Variants in MTR observed in about 807,000 individuals in gnomAD.
MTR encodes the protein methionine synthase.
In MTR, 84 loss-of-function variants were observed where a neutral mutation model predicts 154.8. That is an observed-to-expected ratio of 0.54 (90% CI 0.45 to 0.65). The LOEUF (loss-of-function observed/expected upper bound fraction) is 0.65. Among genes scored for constraint, MTR ranks in the 30% least tolerant of loss-of-function variants. The pLI, the probability that MTR is intolerant of heterozygous loss-of-function variation, is 0.00. For missense variants in MTR, 1,275 were observed against 1,570.2 expected (o/e 0.81, Z 3.18); for synonymous variants, 554 against 553.9 (o/e 1.00, Z 0.00).
Position 236,895,549 on chromosome 1 carries a change from A to T in MTR, c.3597A>T (p.Thr1199=), listed in dbSNP as rs967021355. ...MWRLADIEQS[T]GIRLTESLAM... is the part of the protein sequence containing the mutation. Reference sequence around the variant, plus strand: ...GACTCGCAGACATCGAGCAGTCTACAGGTAGGAGCCAGGAGGCTGCGGGTT... The same window carrying T: ...GACTCGCAGACATCGAGCAGTCTACTGGTAGGAGCCAGGAGGCTGCGGGTT... The change falls in exon 31 of 33, where the codon ACA becomes ACT. Residue 1199 remains threonine (T), a splice_region_variant and synonymous_variant. Coordinates refer to ENST00000366577, the MANE Select transcript of MTR (RefSeq NM_000254.3). 4 of 1,567,220 alleles carry T rather than the reference A, an allele frequency of 2.6e-6. No homozygotes were observed. Among genetic ancestry groups the T allele is most frequent in the Admixed American group, 1.8e-5 (1 of 54,100 alleles).
chr1:236,820,186 A>G (rs1051381556), intron 8 of MTR: 14 of 761,918 alleles, frequency 1.8e-5, no homozygotes, highest in Non-Finnish European at 3.1e-5. Context: ...AGTTCTGCAC[A>G]TGCGTGGCAC....
Position 236,897,310 on chromosome 1 carries a change from G to GCGCGCGCACACACACACA in MTR, c.3711+193_3711+194insGCGCGCACACACACACAC. ...ACTTCTACATGCAAGCCACACACAC[G>GCGCGCGCACACACACACA]CACACACACACACACACACACACAC... On this transcript the variant is annotated intron_variant, in intron 32 of 32. Transcript: ENST00000366577. Among the ~76,000 whole-genome samples, 298 of 128,670 alleles carry GCGCGCGCACACACACACA rather than the reference G, an allele frequency of 2.3e-3. 2 individuals are homozygous for GCGCGCGCACACACACACA. Among genetic ancestry groups the GCGCGCGCACACACACACA allele is most frequent in the African/African-American group, 6.5e-3 (235 of 36,426 alleles). The allele number at this position is 128,670 out of a possible 152,430, so 84.4% of individuals were successfully genotyped here. A position where few individuals can be genotyped will look rare whatever the true frequency, so the allele number is the denominator to read the frequency against.
chr1:236,852,445 A>T (rs1175396386), intron 16 of MTR, 76 bp from the exon 17 acceptor site: 5 of 1,057,240 alleles, frequency 4.7e-6, no homozygotes, highest in Non-Finnish European at 7.4e-6. Context: ...TTCCACTCCT[A>T]TATAAAGCTT....
chr1:236,886,471 G>T, intron 27 of MTR, 104 bp downstream of exon 27: 1 of 1,009,394 alleles, frequency 9.9e-7, no homozygotes, highest in South Asian at 1.3e-5. Flanking sequence ...AGCAGCTAAC[G>T]ACTCTCAACT....
At chr1:236,833,587 A>G (rs1287249281) in intron 13 of MTR, among the ~76,000 whole-genome samples, 2 of 152,212 alleles carry the variant, frequency 1.3e-5, no homozygotes, top group Non-Finnish European at 2.9e-5. Flanking sequence ...CCTAGTGGAA[A>G]CAGTAGGAGG....
chr1:236,845,642 A>G (rs936879382), intron 15 of MTR, among the ~76,000 whole-genome samples: 5 of 152,186 alleles, frequency 3.3e-5, no homozygotes, highest in African/African-American at 9.7e-5. Flanking sequence ...CAAGTGCCCA[A>G]CTGAAGAGAA....
intron 1 of MTR, among the ~76,000 whole-genome samples, chr1:236,799,885 A>G (rs1448847954): frequency 2.0e-5 from 3 of 152,108 alleles, no homozygotes; most frequent in East Asian, 1.9e-4. Context: ...AAATTATACA[A>G]TAAGTTTGTC....
At chr1:236,806,041 C>A in intron 2 of MTR, 103 bp from the exon 3 acceptor site, 1 of 966,214 alleles carries the variant, frequency 1.0e-6, no homozygotes, top group South Asian at 1.4e-5. Context: ...AGTAAATGGT[C>A]AAAAGGTAGC....
intron 1 of MTR, chr1:236,800,564 C>G (rs1234625244): frequency 5.7e-6 from 5 of 871,404 alleles, no homozygotes; most frequent in African/African-American, 1.8e-5. Flanking sequence ...TCTTCTTTCA[C>G]TCGACTGTTA....
chr1:236,840,961 A>G (rs1663195189), intron 15 of MTR, among the ~76,000 whole-genome samples: 1 of 152,214 alleles, frequency 6.6e-6, no homozygotes, highest in African/African-American at 2.4e-5. Context: ...AAAAGTTGTT[A>G]TCATCCACTA....
chr1:236,884,927 C>T (rs1665936978), intron 25 of MTR, among the ~76,000 whole-genome samples, 194 bp from the exon 26 acceptor site: 1 of 152,180 alleles, frequency 6.6e-6, no homozygotes, highest in Admixed American at 6.5e-5. Context: ...CCTTCTTTGG[C>T]TTGTGCAGGG....
In MTR at chr1:236,900,133, T is replaced by C. The variant is rs967657165; in HGVS notation, c.*2489T>C. The C allele has an allele frequency of 5.0e-6, 2 of 397,340 alleles. No homozygotes were observed. Among genetic ancestry groups the C allele is most frequent in the African/African-American group, 2.1e-5 (1 of 47,948 alleles). 24.6% of individuals were successfully genotyped at this position (397,340 alleles called of 1,614,324 possible). A position where few individuals can be genotyped will look rare whatever the true frequency, so the allele number is the denominator to read the frequency against. On this transcript the variant is annotated 3_prime_UTR_variant, in exon 33 of 33. Coordinates refer to ENST00000366577, the MANE Select transcript of MTR (RefSeq NM_000254.3). ...AAGAATGTTCATAGTTACATATTTA[T>C]AATAGTTAATAACTGGAAAAAGTGA...
intron 15 of MTR, among the ~76,000 whole-genome samples, chr1:236,840,582 C>T (rs552049533): frequency 3.9e-5 from 6 of 152,244 alleles, no homozygotes; most frequent in African/African-American, 9.6e-5. Flanking sequence ...CACATGGCCA[C>T]GTGGAGAAAG....
At chr1:236,888,559 C>G (rs1294940659) in intron 27 of MTR, among the ~76,000 whole-genome samples, 1 of 152,182 alleles carries the variant, frequency 6.6e-6, no homozygotes, top group Non-Finnish European at 1.5e-5. Flanking sequence ...TTAATTGAAT[C>G]CATATTTCTA....
intron 1 of MTR, among the ~76,000 whole-genome samples, chr1:236,799,370 A>G (rs543039954): frequency 6.6e-6 from 1 of 151,400 alleles, no homozygotes; most frequent in South Asian, 2.1e-4. Flanking sequence ...TGATCCACCT[A>G]CTTTGGTCTC....
At chr1:236,890,114 A>C (rs919354741) in intron 28 of MTR, among the ~76,000 whole-genome samples, 2 of 152,050 alleles carry the variant, frequency 1.3e-5, no homozygotes, top group Non-Finnish European at 2.9e-5. Flanking sequence ...GGCTGAGAGG[A>C]GCCTAGAAAC....
intron 31 of MTR, among the ~76,000 whole-genome samples, chr1:236,896,062 T>G (rs905740850): frequency 1.3e-5 from 2 of 152,226 alleles, no homozygotes; most frequent in African/African-American, 4.8e-5. Context: ...TTCTCTGTTA[T>G]GTTTTGCCTG....
Position 236,874,522 on chromosome 1 carries a change from G to C in MTR, c.2474-204G>C, listed in dbSNP as rs886897549. ...GGAGGCAAAGGTTGCAGTGAGCCGAGATCGCGCCACTGCACTCCAACCTGG... is the reference window on the plus strand; with the variant it reads ...GGAGGCAAAGGTTGCAGTGAGCCGACATCGCGCCACTGCACTCCAACCTGG... On this transcript the variant is annotated intron_variant, in intron 23 of 32. Coordinates refer to ENST00000366577, the MANE Select transcript of MTR (RefSeq NM_000254.3). Among the ~76,000 whole-genome samples the C allele has an allele frequency of 4.0e-5, 6 of 149,858 alleles. No homozygotes were observed. In the East Asian group the frequency reaches 1.2e-3, roughly 29 times the overall value.
chr1:236,872,464 C>G (rs1212568071), intron 22 of MTR, among the ~76,000 whole-genome samples: 1 of 152,166 alleles, frequency 6.6e-6, no homozygotes, highest in Admixed American at 6.5e-5. Flanking sequence ...TCATGATCTT[C>G]CCTGTTGGCT....
Sources: gnomAD v4.1 joint callset for allele counts (sites outside exome capture counted in the v4.1 genomes callset) on GRCh38, gnomAD v4.1.1 for gene constraint, MANE v1.5 for transcripts, NCBI Gene and HGNC (gene_info 2026-07-23, HGNC 2026-07-21) for gene names.